Variants in ERBB4 observed in about 807,000 individuals in gnomAD.
The protein encoded by ERBB4 is erb-b2 receptor tyrosine kinase 4, also known as receptor tyrosine-protein kinase erbB-4.
A neutral mutation model predicts 158.0 loss-of-function variants in ERBB4; 42 were observed. That is an observed-to-expected ratio of 0.27 (90% CI 0.21 to 0.34). The LOEUF is 0.34. ERBB4 is among the 10% of genes least tolerant of loss of function. The probability of loss-of-function intolerance (pLI) is 1.00; values close to 1 mark genes in which losing one functional copy is unlikely to be tolerated. For missense variants in ERBB4, 1,333 were observed against 1,624.1 expected (o/e 0.82, Z 3.08); for synonymous variants, 583 against 558.7 (o/e 1.04, Z -0.61).
At chr2:211,419,617 T>A (rs1175049434) in intron 25 of ERBB4, among the ~76,000 whole-genome samples, 1 of 152,086 alleles carries the variant, frequency 6.6e-6, no homozygotes, top group African/African-American at 2.4e-5. Flanking sequence ...AATACTGGAT[T>A]ACAGCACTTA....
At chr2:212,244,464 G>A (rs1574507356) in intron 1 of ERBB4, among the ~76,000 whole-genome samples, 2 of 152,124 alleles carry the variant, frequency 1.3e-5, no homozygotes, top group Non-Finnish European at 1.5e-5. Context: ...AACTAAAAAT[G>A]TTAAAAAGTT....
At chr2:212,538,344 G>T in intron 1 of ERBB4, 105 bp downstream of exon 1, 1 of 994,868 alleles carries the variant, frequency 1.0e-6, no homozygotes, top group Middle Eastern at 2.7e-4. Flanking sequence ...CGGTCAAGCG[G>T]TCCCTCCACG....
intron 13 of ERBB4, among the ~76,000 whole-genome samples, chr2:211,673,901 T>A (rs1020245346): frequency 2.6e-5 from 4 of 152,162 alleles, no homozygotes; most frequent in Non-Finnish European, 5.9e-5. Flanking sequence ...TTGAAGTAAT[T>A]CTATAGGTAT....
At chr2:212,501,251 C>T (rs1332219479) in intron 1 of ERBB4, among the ~76,000 whole-genome samples, 2 of 152,124 alleles carry the variant, frequency 1.3e-5, no homozygotes, top group South Asian at 2.1e-4. Flanking sequence ...AAGAATGTTT[C>T]CCCAAAAGTT....
intron 20 of ERBB4, among the ~76,000 whole-genome samples, chr2:211,494,829 C>A (rs904841060): frequency 6.6e-6 from 1 of 152,098 alleles, no homozygotes; most frequent in African/African-American, 2.4e-5. Flanking sequence ...CTCATGTGAA[C>A]CAGGATTCAC....
intron 1 of ERBB4, among the ~76,000 whole-genome samples, chr2:212,251,775 G>A (rs1045507169): frequency 6.6e-6 from 1 of 152,046 alleles, no homozygotes. Flanking sequence ...GGTGACAGGT[G>A]GTCAGACCAT....
At chr2:211,951,073 G>A (rs930273327) in intron 2 of ERBB4, among the ~76,000 whole-genome samples, 1 of 152,150 alleles carries the variant, frequency 6.6e-6, no homozygotes, top group African/African-American at 2.4e-5. Context: ...AATGATAAAT[G>A]TGTTGATGGA....
At chr2:211,544,136 G>A (rs555816421) in intron 20 of ERBB4, among the ~76,000 whole-genome samples, 27 of 152,058 alleles carry the variant, frequency 1.8e-4, no homozygotes, top group Non-Finnish European at 3.1e-4. Context: ...CCACCTAGTC[G>A]TGTTTTAATA....
chr2:211,989,184 A>G lies in ERBB4; in HGVS notation c.235-41568T>C, dbSNP rs531324209. ...CTACTTTGATTATAATGAGTTTCTA[A>G]AAAGATGTTAACATTGTTGAAGTCC... On this transcript the variant is annotated intron_variant, in intron 2 of 27. Transcript: ENST00000342788. 4.6e-5 allele frequency among the ~76,000 whole-genome samples: 7 copies of G among 152,114 alleles called. No individual in the cohort carries two copies. In the South Asian group the frequency reaches 1.5e-3, roughly 32 times the overall value.
At chr2:212,285,447 A>G (rs1419809122) in intron 1 of ERBB4, among the ~76,000 whole-genome samples, 2 of 151,630 alleles carry the variant, frequency 1.3e-5, no homozygotes, top group African/African-American at 2.4e-5. Flanking sequence ...TCTAAGAGAG[A>G]CTGTAGCCAA....
chr2:211,630,343 A>G (rs2070057835), intron 17 of ERBB4, 119 bp downstream of exon 17: 1 of 1,198,074 alleles, frequency 8.3e-7, no homozygotes, highest in African/African-American at 1.5e-5. Context: ...TATAAAATAA[A>G]AAACTTAATT....
At chr2:212,032,282 G>A (rs1353869110) in intron 2 of ERBB4, among the ~76,000 whole-genome samples, 1 of 152,026 alleles carries the variant, frequency 6.6e-6, no homozygotes, top group Non-Finnish European at 1.5e-5. Context: ...TGTGGTTATA[G>A]TGCAAAACCT....
At chr2:211,692,518 G>A (rs1431352737) in intron 12 of ERBB4, among the ~76,000 whole-genome samples, 2 of 152,096 alleles carry the variant, frequency 1.3e-5, no homozygotes, top group African/African-American at 4.8e-5. Context: ...TAGAATCAAG[G>A]TGTCAGCAAG....
At chr2:211,959,619 C>T (rs62185766) in intron 2 of ERBB4, among the ~76,000 whole-genome samples, 1 of 152,030 alleles carries the variant, frequency 6.6e-6, no homozygotes, top group Non-Finnish European at 1.5e-5. Context: ...TATGTTTCCC[C>T]TCTATAGGAA....
chr2:211,849,897 T>C (rs544807430), intron 3 of ERBB4, among the ~76,000 whole-genome samples: 235 of 152,074 alleles, frequency 1.5e-3, no homozygotes, highest in African/African-American at 5.2e-3. Context: ...ATAATGACTA[T>C]AGGATAAAAC....
At chr2:212,278,252 A>G (rs1404054713) in intron 1 of ERBB4, among the ~76,000 whole-genome samples, 1 of 151,802 alleles carries the variant, frequency 6.6e-6, no homozygotes, top group African/African-American at 2.4e-5. Context: ...AAATTGCCAT[A>G]ATATAAGTGA....
rs770116535 is a variant in ERBB4, at chr2:211,383,941, C to T, written c.3601G>A (p.Glu1201Lys). ...ASNGPPKAEDEYVNEPLYLNT... is the reference protein window; with the variant it reads ...ASNGPPKAEDKYVNEPLYLNT... ...AGGTACAGTGGCTCATTCACATACTCATCCTCGGCCTTGGGTGGACCATTG... is the reference window on the plus strand; with the variant it reads ...AGGTACAGTGGCTCATTCACATACTTATCCTCGGCCTTGGGTGGACCATTG... Residue 1201 changes from glutamate to lysine, a missense_variant, in exon 28 of 28, where the codon GAG (glutamate) becomes AAG (lysine). Around this residue, in one of 5 missense-constraint regions of ERBB4, gnomAD observed 252 missense variants for 241.3 expected, o/e 1.04. Coordinates refer to ENST00000342788, the MANE Select transcript of ERBB4 (RefSeq NM_005235.3). 4.3e-6 allele frequency: 7 copies of T among 1,614,108 alleles called. No individual in the cohort carries two copies. The Admixed American group carries it at 1.2e-4, about 27-fold the overall frequency.
intron 1 of ERBB4, among the ~76,000 whole-genome samples, chr2:212,290,833 T>TAAGA (rs1389379424): frequency 1.3e-5 from 2 of 152,006 alleles, no homozygotes; most frequent in Admixed American, 1.3e-4. Context: ...CCAGCCAGTG[T>TAAGA]AAGAGCAAAG....
chr2:212,009,255 A>C (rs1260757860), intron 2 of ERBB4, among the ~76,000 whole-genome samples: 1 of 152,006 alleles, frequency 6.6e-6, no homozygotes, highest in Non-Finnish European at 1.5e-5. Flanking sequence ...GTTAAGATGA[A>C]ATCATCCCAG....
Sources: gnomAD v4.1 joint callset for allele counts (sites outside exome capture counted in the v4.1 genomes callset) on GRCh38, gnomAD v4.1.1 for gene constraint, gnomAD v4.1.1 regional missense constraint, MANE v1.5 for transcripts, NCBI Gene and HGNC (gene_info 2026-07-23, HGNC 2026-07-21) for gene names.